IKBKB: variants seen among roughly 807,000 people sequenced by gnomAD.
IKBKB encodes the protein inhibitor of nuclear factor kappa B kinase subunit beta.
Under a neutral mutation model 113.6 loss-of-function variants are expected in IKBKB, and 42 were observed. The ratio of observed to expected loss-of-function variants is 0.37; its 90% confidence interval spans 0.29 to 0.48. IKBKB has a LOEUF of 0.48. Among genes scored for constraint, IKBKB ranks in the 20% least tolerant of loss-of-function variants. The pLI is 0.99. For missense variants in IKBKB, 673 were observed against 939.7 expected, an observed-to-expected ratio of 0.72 and a Z score of 3.71; for synonymous variants, 296 against 361.3, an observed-to-expected ratio of 0.82 and a Z score of 2.05.
At chr8:42,321,808 C>T in intron 16 of IKBKB, 88 bp from the exon 17 acceptor site, 1 of 907,298 alleles carries the variant, frequency 1.1e-6, no homozygotes, top group Non-Finnish European at 1.7e-6. Flanking sequence ...GCCTGGGCAA[C>T]ATGGTGAAAC....
rs199634391 is a variant in IKBKB at position 42,288,741 on chromosome 8, C to T, written c.200+13C>T. ...AGATCATGAGAAGGTGAGGGCCTCG[C>T]GCATAGGGACCCAAGGGAAAGCTGG... On this transcript the variant is annotated intron_variant, in intron 3 of 21. Transcript: ENST00000520810. 88 of 1,592,650 alleles carry T rather than the reference C, an allele frequency of 5.5e-5. No individual in the cohort carries two copies. The highest frequency in any genetic ancestry group is 3.2e-4 in the African/African-American group (24 of 74,298).
chr8:42,313,596 C>T (rs188407752), intron 8 of IKBKB, among the ~76,000 whole-genome samples: 39 of 152,170 alleles, frequency 2.6e-4, no homozygotes, highest in East Asian at 1.5e-3. Context: ...ATGTAAATGT[C>T]GTATGCATGC....
intron 4 of IKBKB, among the ~76,000 whole-genome samples, chr8:42,291,475 C>T (rs1812631750): frequency 6.6e-6 from 1 of 152,180 alleles, no homozygotes; most frequent in Admixed American, 6.5e-5. Context: ...GCCACTGCGC[C>T]CAGCCAACAA....
At chr8:42,280,111 G>T (rs1018765642) in intron 2 of IKBKB, among the ~76,000 whole-genome samples, 1 of 152,202 alleles carries the variant, frequency 6.6e-6, no homozygotes. Flanking sequence ...GCCTCCCAAA[G>T]TGCTGGGATT....
rs2129962241 is a variant in IKBKB, at chr8:42,271,344, T to G, written c.-144T>G. On this transcript the variant is annotated 5_prime_UTR_variant, in exon 1 of 22. Coordinates refer to ENST00000520810, the MANE Select transcript of IKBKB (RefSeq NM_001556.3). The stretch of plus-strand genomic sequence containing the variant: ...AGTGTTTGAGGAAGTCGCGCCGCGC[T>G]GCCCGCGTTAAGATTCCCGCATTTT... 1 of 1,275,314 alleles carries G rather than the reference T, an allele frequency of 7.8e-7. No individual in the cohort carries two copies. Among genetic ancestry groups the G allele is most frequent in the East Asian group, 2.5e-5 (1 of 39,586 alleles). 79.0% of individuals were successfully genotyped at this position (1,275,314 alleles called of 1,614,324 possible).
At chr8:42,280,004 A>T (rs543094389) in intron 2 of IKBKB, among the ~76,000 whole-genome samples, 12 of 152,098 alleles carry the variant, frequency 7.9e-5, no homozygotes, top group African/African-American at 2.7e-4. Context: ...GTGAGACACC[A>T]CGCCTGGCTA....
At chr8:42,302,564 A>T (rs1334260145) in intron 5 of IKBKB, among the ~76,000 whole-genome samples, 1 of 152,236 alleles carries the variant, frequency 6.6e-6, no homozygotes, top group African/African-American at 2.4e-5. Flanking sequence ...CACTGACATG[A>T]TGCCAGAAGT....
intron 19 of IKBKB, chr8:42,325,086 C>G (rs1186859079): frequency 4.1e-6 from 1 of 244,624 alleles, no homozygotes; most frequent in East Asian, 1.8e-4. Flanking sequence ...AGGTGTGGGG[C>G]CTGGGGGGCT....
At position 42,285,870 on chromosome 8, in the gene IKBKB, G is replaced by A. The variant is rs551137365; in HGVS notation, c.106-2764G>A. Among the ~76,000 whole-genome samples the A allele has an allele frequency of 1.1e-4, 17 of 152,328 alleles. 1 individual carries two copies. Among genetic ancestry groups the A allele is most frequent in the African/African-American group, 1.9e-4 (8 of 41,570 alleles). ...TGAAATGTCCAGGACAGGCTAATCC[G>A]TAGAGACAGAAAGAGGTGGGTGGTT... On this transcript the variant is annotated intron_variant, in intron 2 of 21. Transcript: ENST00000520810.
intron 5 of IKBKB, chr8:42,298,611 A>C (rs549404330): frequency 1.3e-5 from 5 of 375,600 alleles, no homozygotes; most frequent in African/African-American, 1.1e-4. Flanking sequence ...ATAAGTAACC[A>C]GGTTAATAAA....
intron 2 of IKBKB, among the ~76,000 whole-genome samples, chr8:42,281,217 A>G (rs1048427634): frequency 6.6e-6 from 1 of 152,090 alleles, no homozygotes; most frequent in Non-Finnish European, 1.5e-5. Flanking sequence ...AAGGAGGTAC[A>G]CTTTCGAGGG....
At chr8:42,275,022 G>A (rs1029357620) in intron 2 of IKBKB, among the ~76,000 whole-genome samples, 2 of 151,210 alleles carry the variant, frequency 1.3e-5, no homozygotes, top group African/African-American at 4.9e-5. Context: ...GATTATAGCC[G>A]TGCACCACCA....
chr8:42,326,515 T>G, intron 20 of IKBKB: 1 of 171,690 alleles, frequency 5.8e-6, no homozygotes, highest in Non-Finnish European at 1.2e-5. Flanking sequence ...CTCCCTCCTC[T>G]TGCCTGAACC....
intron 8 of IKBKB, among the ~76,000 whole-genome samples, chr8:42,309,290 C>T (rs921842234): frequency 6.6e-6 from 1 of 152,316 alleles, no homozygotes; most frequent in East Asian, 1.9e-4. Context: ...GTGTCATCTG[C>T]TCTGTGTTCA....
intron 5 of IKBKB, among the ~76,000 whole-genome samples, chr8:42,300,520 C>T (rs1356273549): frequency 6.6e-6 from 1 of 152,186 alleles, no homozygotes; most frequent in Non-Finnish European, 1.5e-5. Context: ...CTGCTTTCTT[C>T]TCGGAAGTCT....
At position 42,330,881 on chromosome 8, in the gene IKBKB, T is replaced by G. The variant is rs750965408; in HGVS notation, c.2206-33T>G. 5 of 1,614,132 alleles carry G rather than the reference T, an allele frequency of 3.1e-6. No homozygotes were observed. The South Asian group carries it at 5.5e-5, about 18-fold the overall frequency. On this transcript the variant is annotated intron_variant, in intron 21 of 21. Coordinates refer to ENST00000520810, the MANE Select transcript of IKBKB (RefSeq NM_001556.3). ...AAATAACCTGAAATGTGTTGGTGGC[T>G]GTTGTTTTTTTAACATGTCTGTTGA...
rs548292451 is a variant in IKBKB at position 42,316,127 on chromosome 8, G to A, written c.801-83G>A. ...TTTCAATCACCGTCTACTGGCTGCCGTCTGTGTGTATACTGGGAGACGCAC... is the reference window on the plus strand; with the variant it reads ...TTTCAATCACCGTCTACTGGCTGCCATCTGTGTGTATACTGGGAGACGCAC... On this transcript the variant is annotated intron_variant, in intron 9 of 21. Transcript: ENST00000520810. The surrounding 1 kb of genome is among the most constrained non-coding windows in gnomAD (Gnocchi z 4.5). 256 of 1,461,986 alleles carry A rather than the reference G, an allele frequency of 1.8e-4. 6 individuals are homozygous for A. The South Asian group carries it at 2.7e-3, about 15-fold the overall frequency. The allele number at this position is 1,461,986 out of a possible 1,614,324, so 90.6% of individuals were successfully genotyped here.
At chr8:42,318,075 A>G (rs922465005) in intron 12 of IKBKB, among the ~76,000 whole-genome samples, 2 of 151,984 alleles carry the variant, frequency 1.3e-5, no homozygotes, top group African/African-American at 4.8e-5. Context: ...CAGCCTGGGT[A>G]ATATAGTAAG....
rs946525509 is a variant in IKBKB, at chr8:42,320,703, A to G, written c.1579-32A>G. On this transcript the variant is annotated intron_variant, in intron 15 of 21. Transcript: ENST00000520810. Reference sequence around the variant, plus strand: ...TTGCATCTCAGCATGCGCCTACCACATCAGTTGACATTAGCACAGCTTTTC... The same window carrying G: ...TTGCATCTCAGCATGCGCCTACCACGTCAGTTGACATTAGCACAGCTTTTC... 7 of 1,561,196 alleles carry G rather than the reference A, an allele frequency of 4.5e-6. No individual in the cohort carries two copies. The South Asian group carries it at 6.7e-5, about 15-fold the overall frequency.
Sources: allele counts gnomAD v4.1 joint callset (sites outside exome capture counted in the v4.1 genomes callset), GRCh38; gene constraint gnomAD v4.1.1; non-coding constraint Gnocchi (gnomAD v3.1); transcripts MANE v1.5; gene names NCBI Gene and HGNC (gene_info 2026-07-23, HGNC 2026-07-21).